NPAS3: variants seen among roughly 807,000 people sequenced by gnomAD.
The protein encoded by NPAS3 is neuronal PAS domain-containing protein 3.
Under a neutral mutation model 73.1 loss-of-function variants are expected in NPAS3, and 14 were observed. The observed-to-expected ratio is 0.19, with a 90% CI of 0.13 to 0.30. The LOEUF (loss-of-function observed/expected upper bound fraction) is 0.30, where lower values mean the gene tolerates loss of function less well. Among genes scored for constraint, NPAS3 ranks in the 10% least tolerant of loss-of-function variants. NPAS3 has a pLI of 1.00. For missense variants in NPAS3, 1,096 were observed against 1,250.0 expected (o/e 0.88, Z 1.86); for synonymous variants, 620 against 541.5 (o/e 1.14, Z -2.01).
At chr14:33,460,174 G>A (rs2050197063) in intron 4 of NPAS3, among the ~76,000 whole-genome samples, 2 of 152,066 alleles carry the variant, frequency 1.3e-5, no homozygotes, top group East Asian at 1.9e-4. Flanking sequence ...CAGTAACATT[G>A]GCAATGAAAA....
intron 6 of NPAS3, among the ~76,000 whole-genome samples, chr14:33,731,518 A>T (rs2061402195): frequency 6.6e-6 from 1 of 150,906 alleles, no homozygotes; most frequent in Non-Finnish European, 1.5e-5. Flanking sequence ...GAGAATACTG[A>T]AAGTGTTCCA....
chr14:33,799,743 AGAACTC>A, exon 12 of NPAS3: 1 of 1,570,020 alleles, frequency 6.4e-7, no homozygotes, highest in Non-Finnish European at 8.6e-7. Flanking sequence ...GAGGACAACG[AGAACTC>A]CAAGTCCGAC....
chr14:33,783,205 A>G (rs61973026), intron 9 of NPAS3, among the ~76,000 whole-genome samples: 4,666 of 152,352 alleles, frequency 0.031, 100 homozygotes, highest in Non-Finnish European at 0.047. Flanking sequence ...CAGCCACTGC[A>G]CACAGAAACG....
At chr14:33,773,817 C>T (rs985590362) in intron 7 of NPAS3, among the ~76,000 whole-genome samples, 1 of 152,156 alleles carries the variant, frequency 6.6e-6, no homozygotes, top group African/African-American at 2.4e-5. Flanking sequence ...AATATCTATC[C>T]TTGAAAGAAC....
At chr14:33,726,391 A>G (rs766664032) in intron 6 of NPAS3, among the ~76,000 whole-genome samples, 3 of 152,216 alleles carry the variant, frequency 2.0e-5, no homozygotes, top group Non-Finnish European at 4.4e-5. Context: ...AGAATTTCAT[A>G]GTCACTGCTG....
chr14:33,591,057 G>C (rs755680977), intron 5 of NPAS3, among the ~76,000 whole-genome samples: 1 of 152,156 alleles, frequency 6.6e-6, no homozygotes, highest in Non-Finnish European at 1.5e-5. Context: ...ACACGTTGTG[G>C]AGGGAAGTGC....
chr14:32,936,942 T>C (rs1272357086), upstream of NPAS3, among the ~76,000 whole-genome samples: 2 of 151,942 alleles, frequency 1.3e-5, no homozygotes, highest in African/African-American at 4.8e-5. Context: ...TTTTTTTTTT[T>C]TTTTCTAGCA....
intron 9 of NPAS3, among the ~76,000 whole-genome samples, chr14:33,778,859 T>A (rs955593488): frequency 6.6e-6 from 1 of 152,224 alleles, no homozygotes; most frequent in African/African-American, 2.4e-5. Context: ...ACCTTTGTCT[T>A]AAGTGCTACC....
At chr14:33,502,691 G>A (rs551368528) in intron 4 of NPAS3, among the ~76,000 whole-genome samples, 30 of 151,628 alleles carry the variant, frequency 2.0e-4, no homozygotes, top group South Asian at 8.3e-4. Context: ...CTGCTGCTGC[G>A]CCATCTCCAA....
chr14:33,696,846 G>A (rs2060397391), intron 6 of NPAS3, among the ~76,000 whole-genome samples: 1 of 152,164 alleles, frequency 6.6e-6, no homozygotes, highest in Admixed American at 6.5e-5. Context: ...AGAAGTTGAG[G>A]AGTTACCCCT....
At chr14:32,975,072 T>A (rs901709899) in intron 1 of NPAS3, among the ~76,000 whole-genome samples, 1 of 152,172 alleles carries the variant, frequency 6.6e-6, no homozygotes, top group Admixed American at 6.5e-5. Flanking sequence ...CAGAGTACCA[T>A]ACTAGTGAAA....
At chr14:33,108,683 T>G (rs897474437) in intron 2 of NPAS3, among the ~76,000 whole-genome samples, 1 of 152,194 alleles carries the variant, frequency 6.6e-6, no homozygotes, top group African/African-American at 2.4e-5. Flanking sequence ...AACTATATTA[T>G]TTTATGTGAA....
At chr14:33,063,001 T>C (rs2041161116) in intron 2 of NPAS3, among the ~76,000 whole-genome samples, 1 of 152,246 alleles carries the variant, frequency 6.6e-6, no homozygotes, top group South Asian at 2.1e-4. Flanking sequence ...GTCCATGCAG[T>C]AATGTTTAGT....
At chr14:33,236,780 G>T (rs1054133863) in intron 3 of NPAS3, among the ~76,000 whole-genome samples, 1 of 152,070 alleles carries the variant, frequency 6.6e-6, no homozygotes, top group East Asian at 1.9e-4. Context: ...TTAAGAAAAT[G>T]TGGAAAAATT....
chr14:33,588,217 TAAAATGTCTCCTTCTTTTGCC>T (rs1305689155), intron 5 of NPAS3, among the ~76,000 whole-genome samples: 1 of 152,248 alleles, frequency 6.6e-6, no homozygotes, highest in Non-Finnish European at 1.5e-5. Flanking sequence ...CCTATGGCTC[TAAAATGTCTCCTTCTTTTGCC>T]ACTGATGTAG....
chr14:33,520,428 C>A (rs1485753782), intron 4 of NPAS3, among the ~76,000 whole-genome samples: 3 of 151,480 alleles, frequency 2.0e-5, no homozygotes, highest in African/African-American at 7.3e-5. Flanking sequence ...TTTTTTAAAT[C>A]TGAGATGAAA....
intron 3 of NPAS3, among the ~76,000 whole-genome samples, chr14:33,255,315 T>G (rs2048737201): frequency 6.6e-6 from 1 of 152,188 alleles, no homozygotes; most frequent in African/African-American, 2.4e-5. Context: ...TGGTGAAACT[T>G]TGTAAACATG....
intron 5 of NPAS3, among the ~76,000 whole-genome samples, chr14:33,606,753 T>C (rs933951400): frequency 3.9e-5 from 6 of 152,200 alleles, no homozygotes; most frequent in Admixed American, 2.6e-4. Context: ...TTGGACCACA[T>C]TGAAGTTTAA....
At chr14:33,432,149 C>CT (rs1455799479) in intron 4 of NPAS3, among the ~76,000 whole-genome samples, 1 of 152,148 alleles carries the variant, frequency 6.6e-6, no homozygotes, top group Non-Finnish European at 1.5e-5. Context: ...CACCACCCCT[C>CT]CACTGGGCAG....
Sources: gnomAD v4.1 joint callset for allele counts (sites outside exome capture counted in the v4.1 genomes callset) on GRCh38, gnomAD v4.1.1 for gene constraint, MANE v1.5 for transcripts, NCBI Gene and HGNC (gene_info 2026-07-23, HGNC 2026-07-21) for gene names.